The following NRG3 variants were observed in gnomAD, a reference collection of about 807,000 sequenced individuals.
The protein encoded by NRG3 is pro-neuregulin-3, membrane-bound isoform.
Under a neutral mutation model 66.9 loss-of-function variants are expected in NRG3, and 31 were observed. The ratio of observed to expected loss-of-function variants is 0.46; its 90% CI spans 0.35 to 0.63. NRG3 has a LOEUF of 0.63. Ranked by LOEUF, NRG3 falls within the 20% of genes least tolerant of loss-of-function variation. NRG3 has a pLI of 0.00. For missense variants in NRG3, 910 were observed against 878.9 expected, an observed-to-expected ratio of 1.04 and a Z score of -0.45; for synonymous variants, 393 against 359.4, an observed-to-expected ratio of 1.09 and a Z score of -1.06.
At chr10:82,139,368 A>G (rs1198618941) in intron 1 of NRG3, among the ~76,000 whole-genome samples, 1 of 152,172 alleles carries the variant, frequency 6.6e-6, no homozygotes, top group East Asian at 1.9e-4. Flanking sequence ...TTTATAAATG[A>G]CACCATCATG....
At chr10:82,430,939 G>A (rs900390344) in intron 2 of NRG3, among the ~76,000 whole-genome samples, 2 of 152,144 alleles carry the variant, frequency 1.3e-5, no homozygotes, top group Non-Finnish European at 2.9e-5. Flanking sequence ...CAGTCAGTGT[G>A]AGATGTTATG....
At chr10:82,280,827 A>G (rs1400701385) in intron 1 of NRG3, among the ~76,000 whole-genome samples, 1 of 152,204 alleles carries the variant, frequency 6.6e-6, no homozygotes, top group Non-Finnish European at 1.5e-5. Flanking sequence ...TGGGCAATTA[A>G]CTAAAGGGAA....
At chr10:82,299,001 A>G (rs2080236274) in intron 1 of NRG3, among the ~76,000 whole-genome samples, 1 of 152,120 alleles carries the variant, frequency 6.6e-6, no homozygotes, top group Non-Finnish European at 1.5e-5. Flanking sequence ...TGGAGTGTTC[A>G]GAGAGATGGA....
intron 1 of NRG3, among the ~76,000 whole-genome samples, chr10:82,037,173 A>T (rs897305033): frequency 1.1e-4 from 16 of 152,132 alleles, no homozygotes; most frequent in Non-Finnish European, 8.8e-5. Context: ...CATCTGGTTG[A>T]GAAGCTTCTG....
chr10:82,267,651 C>G (rs565269528), intron 1 of NRG3, among the ~76,000 whole-genome samples: 1 of 152,168 alleles, frequency 6.6e-6, no homozygotes, highest in Non-Finnish European at 1.5e-5. Flanking sequence ...AGAAATAAAC[C>G]ACAATTTGCT....
rs548486368 is a variant in NRG3 at position 81,894,808 on chromosome 10, G to A, written c.823+18645G>A. Among the ~76,000 whole-genome samples, 5 of 152,200 alleles carry A rather than the reference G, an allele frequency of 3.3e-5. No homozygotes were observed. The South Asian group carries it at 1.0e-3, about 32-fold the overall frequency. On this transcript the variant is annotated intron_variant, in intron 1 of 8. Transcript: ENST00000372141. ...GAGAAGAGACTCTGTTTCCAAGGAA[G>A]TGTGGCCTATGCTGCTCTGCACCTG...
chr10:82,063,696 A>G (rs1324989107), intron 1 of NRG3, among the ~76,000 whole-genome samples: 1 of 152,134 alleles, frequency 6.6e-6, no homozygotes, highest in Non-Finnish European at 1.5e-5. Flanking sequence ...AAAGAAAGGA[A>G]CTAAAGAACT....
chr10:82,018,845 TG>T (rs2061917457), intron 1 of NRG3, among the ~76,000 whole-genome samples: 2 of 152,262 alleles, frequency 1.3e-5, no homozygotes, highest in African/African-American at 4.8e-5. Context: ...GCTGAGACGA[TG>T]GGGTTTTCTA....
intron 2 of NRG3, among the ~76,000 whole-genome samples, chr10:82,633,531 AAG>A (rs2133748487): frequency 6.6e-6 from 1 of 152,260 alleles, no homozygotes; most frequent in South Asian, 2.1e-4. Context: ...GGAGGGTGAG[AAG>A]AGAGGAGACA....
intron 1 of NRG3, among the ~76,000 whole-genome samples, chr10:82,172,099 T>C (rs771581122): frequency 1.4e-4 from 22 of 152,222 alleles, no homozygotes; most frequent in Middle Eastern, 3.4e-3. Flanking sequence ...AAATACCAAG[T>C]GTGCTCTGAA....
intron 3 of NRG3, among the ~76,000 whole-genome samples, chr10:82,811,734 C>A (rs374032999): frequency 6.6e-6 from 1 of 152,178 alleles, no homozygotes; most frequent in Non-Finnish European, 1.5e-5. Context: ...TATTTCAACA[C>A]CTGCCTGGAC....
intron 1 of NRG3, among the ~76,000 whole-genome samples, chr10:82,103,204 A>G (rs2066867489): frequency 6.6e-6 from 1 of 152,072 alleles, no homozygotes; most frequent in South Asian, 2.1e-4. Context: ...ATTCAGAGTC[A>G]TGATTTTTTC....
At chr10:82,254,348 T>G (rs752714104) in intron 1 of NRG3, among the ~76,000 whole-genome samples, 5 of 152,198 alleles carry the variant, frequency 3.3e-5, no homozygotes, top group African/African-American at 4.8e-5. Context: ...CCTAATTTCC[T>G]GAGTGGCACA....
In NRG3 at chr10:81,962,617, C is replaced by G. The variant is rs145054601; in HGVS notation, c.823+86454C>G. Among the ~76,000 whole-genome samples the G allele has an allele frequency of 1.6e-3, 241 of 152,280 alleles. 2 individuals carry two copies. The highest frequency in any genetic ancestry group is 5.0e-3 in the African/African-American group (208 of 41,572). On this transcript the variant is annotated intron_variant, in intron 1 of 8. Transcript: ENST00000372141. ...TTGACTGCTGCATAACATTCTACCC[C>G]AAAACTTACTAAACAACTATTTAGC... is the stretch of plus-strand genomic sequence containing the variant.
intron 1 of NRG3, among the ~76,000 whole-genome samples, chr10:82,321,311 G>GGT (rs1402737552): frequency 1.4e-5 from 2 of 146,482 alleles, no homozygotes; most frequent in African/African-American, 5.5e-5. Context: ...TGGGGGTGGG[G>GGT]GTCAGGGAAC....
At position 82,292,257 on chromosome 10, in the gene NRG3, C is replaced by G. The variant is rs78942751; in HGVS notation, c.824-66482C>G. 7.9e-5 allele frequency among the ~76,000 whole-genome samples: 12 copies of G among 151,798 alleles called. No individual in the cohort carries two copies. The East Asian group carries it at 1.9e-3, about 25-fold the overall frequency. On this transcript the variant is annotated intron_variant, in intron 1 of 8. Coordinates refer to ENST00000372141, the MANE Select transcript of NRG3 (RefSeq NM_001010848.4). ...ATCATTAGGGGAATGCAAATAAAAA[C>G]CACAATTGATATCAATATATAGCTA... is the stretch of plus-strand genomic sequence containing the variant.
At position 82,346,601 on chromosome 10, in the gene NRG3, CCT is replaced by C. The variant is rs2083039855; in HGVS notation, c.824-12135_824-12134del. Among the ~76,000 whole-genome samples the C allele has an allele frequency of 2.0e-5, 3 of 151,790 alleles. No homozygotes were observed. In the South Asian group the frequency reaches 6.3e-4, roughly 32 times the overall value. On this transcript the variant is annotated intron_variant, in intron 1 of 8. Transcript: ENST00000372141. ...TCATAAAACGAGTTAGGGAGGATTC[CCT>C]CTTTTTCTATTGATTGGAATAGTTT...
Position 82,727,074 on chromosome 10 carries a change from G to A in NRG3, c.954-11503G>A, listed in dbSNP as rs545155039. ...TTTCCAAGCAGCAAAGCATTCAAGA[G>A]GTGACTTGGGTGCTGTTAAAGGCAT... On this transcript the variant is annotated intron_variant, in intron 2 of 8. Coordinates refer to ENST00000372141, the MANE Select transcript of NRG3 (RefSeq NM_001010848.4). Among the ~76,000 whole-genome samples, 330 of 152,282 alleles carry A rather than the reference G, an allele frequency of 2.2e-3. 1 individual carries two copies. The highest frequency in any genetic ancestry group is 4.0e-3 in the Non-Finnish European group (272 of 68,028).
chr10:82,648,431 G>A (rs1411214756), intron 2 of NRG3, among the ~76,000 whole-genome samples: 1 of 152,160 alleles, frequency 6.6e-6, no homozygotes, highest in East Asian at 1.9e-4. Flanking sequence ...TTTGAAGTCA[G>A]GTAGTGTGAT....
Sources: gnomAD v4.1 joint callset for allele counts (sites outside exome capture counted in the v4.1 genomes callset) on GRCh38, gnomAD v4.1.1 for gene constraint, MANE v1.5 for transcripts, NCBI Gene and HGNC (gene_info 2026-07-23, HGNC 2026-07-21) for gene names.